ZNF106: variants seen among roughly 807,000 people sequenced by gnomAD.
The protein encoded by ZNF106 is zinc finger protein 106.
ZNF106 carries 67 observed loss-of-function variants against 195.1 expected under a neutral mutation model. That is an observed-to-expected ratio of 0.34 (90% CI 0.28 to 0.42). The LOEUF is 0.42. Among genes scored for constraint, ZNF106 ranks in the 10% least tolerant of loss-of-function variants. The probability of loss-of-function intolerance (pLI) is 1.00; values close to 1 mark genes in which losing one functional copy is unlikely to be tolerated. For missense variants in ZNF106, 2,118 were observed against 2,304.5 expected, an observed-to-expected ratio of 0.92 and a Z score of 1.66; for synonymous variants, 784 against 818.6, an observed-to-expected ratio of 0.96 and a Z score of 0.72.
intron 1 of ZNF106, among the ~76,000 whole-genome samples, chr15:42,477,890 CA>C (rs1435174739): frequency 6.9e-6 from 1 of 144,722 alleles, no homozygotes; most frequent in African/African-American, 2.6e-5. Context: ...AACTCAGCCT[CA>C]AAAAAAACAA....
At chr15:42,475,111 T>C (rs2056756870) in intron 1 of ZNF106, among the ~76,000 whole-genome samples, 1 of 152,236 alleles carries the variant, frequency 6.6e-6, no homozygotes, top group African/African-American at 2.4e-5. Flanking sequence ...TTTCTTGCCA[T>C]GCAACCCACT....
chr15:42,450,363 A>G lies in ZNF106; in HGVS notation c.1909T>C (p.Leu637=), dbSNP rs2141356334. Residue 637 remains leucine, a synonymous_variant, in exon 5 of 22, where the codon TTG becomes CTG. Coordinates refer to ENST00000564754, the MANE Select transcript of ZNF106 (RefSeq NM_001366845.3). ...GCAGTTCGAGTGCTGCCAGATAACA[A>G]TTCTGTAGTTGCAGAACCTAGGGTT... ...IGTLGSATTE[L]LSGSTRTADE... 1.2e-6 allele frequency: 2 copies of G among 1,614,142 alleles called. No homozygotes were observed. Among genetic ancestry groups the G allele is most frequent in the South Asian group, 2.2e-5 (2 of 91,080 alleles).
chr15:42,489,558 G>A (rs114621988), intron 1 of ZNF106, among the ~76,000 whole-genome samples: 4 of 152,136 alleles, frequency 2.6e-5, no homozygotes, highest in Non-Finnish European at 2.9e-5. Context: ...CTAGACTCAA[G>A]AGTTAACTCT....
chr15:42,434,392 A>C (rs990146273), intron 14 of ZNF106, among the ~76,000 whole-genome samples: 2 of 152,236 alleles, frequency 1.3e-5, no homozygotes, highest in Non-Finnish European at 2.9e-5. Flanking sequence ...TGTTTTAACA[A>C]GCTGTCCAGG....
In ZNF106 at chr15:42,424,065, A is replaced by G; in HGVS notation, c.5191-5T>C. ...GAACACGAGATCATTCACCACCTTA[A>G]AGAAAAAATTAAACAAGTCAGATTC... On this transcript the variant is annotated splice_polypyrimidine_tract_variant and splice_region_variant and intron_variant, in intron 16 of 21. Transcript: ENST00000564754. 2 of 1,611,600 alleles carry G rather than the reference A, an allele frequency of 1.2e-6. No homozygotes were observed. Among genetic ancestry groups the G allele is most frequent in the Non-Finnish European group, 1.7e-6 (2 of 1,179,290 alleles).
intron 6 of ZNF106, 36 bp downstream of exon 6, chr15:42,448,036 C>A: frequency 1.3e-6 from 2 of 1,558,680 alleles, no homozygotes; most frequent in Non-Finnish European, 1.7e-6. Context: ...TTGCCACATG[C>A]GATGTTCTAC....
intron 4 of ZNF106, among the ~76,000 whole-genome samples, chr15:42,454,152 A>G (rs139391912): frequency 6.6e-6 from 1 of 152,364 alleles, no homozygotes; most frequent in African/African-American, 2.4e-5. Flanking sequence ...TTCAATGTCT[A>G]TGATATTTTG....
chr15:42,453,564 T>C (rs1188003638), intron 4 of ZNF106, among the ~76,000 whole-genome samples: 1 of 152,092 alleles, frequency 6.6e-6, no homozygotes, highest in East Asian at 1.9e-4. Context: ...ATATAGATTA[T>C]CTCACTTAGT....
chr15:42,479,703 G>T (rs1341582726), intron 1 of ZNF106, among the ~76,000 whole-genome samples: 1 of 151,764 alleles, frequency 6.6e-6, no homozygotes, highest in Non-Finnish European at 1.5e-5. Flanking sequence ...TTAGCCTGGT[G>T]TGGTGGCAGG....
chr15:42,421,798 A>T (rs1359506905), intron 19 of ZNF106, 119 bp downstream of exon 19: 27 of 693,836 alleles, frequency 3.9e-5, no homozygotes, highest in Non-Finnish European at 5.4e-5. Context: ...TTATGCCAAG[A>T]GATGGGAAGG....
At chr15:42,461,054 G>A (rs2056381194) in intron 3 of ZNF106, among the ~76,000 whole-genome samples, 1 of 152,066 alleles carries the variant, frequency 6.6e-6, no homozygotes, top group African/African-American at 2.4e-5. Context: ...ACACATCTGC[G>A]TTTTCAGGAG....
intron 6 of ZNF106, 97 bp from the exon 7 acceptor site, chr15:42,446,755 C>G: frequency 9.6e-7 from 1 of 1,039,080 alleles, no homozygotes; most frequent in South Asian, 1.5e-5. Flanking sequence ...ATACACTGTT[C>G]TTCACTATTG....
At chr15:42,447,574 G>A (rs2055819368) in intron 6 of ZNF106, among the ~76,000 whole-genome samples, 1 of 152,080 alleles carries the variant, frequency 6.6e-6, no homozygotes. Flanking sequence ...GGTAACTGAA[G>A]GACGAAGGAC....
At chr15:42,489,148 G>A (rs1187545310) in intron 1 of ZNF106, among the ~76,000 whole-genome samples, 8 of 147,470 alleles carry the variant, frequency 5.4e-5, no homozygotes, top group Non-Finnish European at 8.9e-5. Context: ...GATCAGATTC[G>A]TTCACACCCT....
rs562369274 is a variant in ZNF106 at position 42,453,667 on chromosome 15, C to T, written c.318-1713G>A. On this transcript the variant is annotated intron_variant, in intron 4 of 21. Transcript: ENST00000564754. ...CTGGAGTGCAATGGCACGATCTTGGCTCACTGCAACCTCTGCCTCTCGAGT... is the reference window on the plus strand; with the variant it reads ...CTGGAGTGCAATGGCACGATCTTGGTTCACTGCAACCTCTGCCTCTCGAGT... Among the ~76,000 whole-genome samples the T allele has an allele frequency of 4.2e-3, 634 of 151,168 alleles. 4 individuals are homozygous for T. The highest frequency in any genetic ancestry group is 0.015 in the African/African-American group (605 of 41,148).
At chr15:42,444,117 A>C in intron 9 of ZNF106, 85 bp downstream of exon 9, 1 of 567,068 alleles carries the variant, frequency 1.8e-6, no homozygotes. Context: ...GTCTCCAAAA[A>C]AAAAAAAAAA....
intron 3 of ZNF106, among the ~76,000 whole-genome samples, chr15:42,457,890 C>A (rs1048470095): frequency 6.6e-6 from 1 of 152,182 alleles, no homozygotes; most frequent in Non-Finnish European, 1.5e-5. Context: ...TTTAGTTAAA[C>A]TAGGCAGACT....
Position 42,446,599 on chromosome 15 carries a change from T to C in ZNF106, c.3195A>G (p.Lys1065=), listed in dbSNP as rs764524390. The C allele has an allele frequency of 2.5e-6, 4 of 1,597,208 alleles. No individual in the cohort carries two copies. Among genetic ancestry groups the C allele is most frequent in the Non-Finnish European group, 3.4e-6 (4 of 1,169,552 alleles). Residue 1065 remains lysine (K), a synonymous_variant, in exon 7 of 22, where the codon AAA becomes AAG. Transcript: ENST00000564754. ...TATTCTGCACCATACCTTTTTTTCCTTTAATTTTCCTTCTTTTATTTTTTC... is the reference window on the plus strand; with the variant it reads ...TATTCTGCACCATACCTTTTTTTCCCTTAATTTTCCTTCTTTTATTTTTTC... The part of the protein sequence containing the change: ...LERKNKRRKI[K]GKKERSQVDQ...
chr15:42,442,794 AT>A (rs1196759972), intron 9 of ZNF106, among the ~76,000 whole-genome samples: 10 of 148,070 alleles, frequency 6.8e-5, no homozygotes, highest in African/African-American at 2.2e-4. Flanking sequence ...TATTGTTATT[AT>A]TTTTTTGAGA....
Sources: gnomAD v4.1 joint callset for allele counts (sites outside exome capture counted in the v4.1 genomes callset) on GRCh38, gnomAD v4.1.1 for gene constraint, MANE v1.5 for transcripts, NCBI Gene and HGNC (gene_info 2026-07-23, HGNC 2026-07-21) for gene names.